TENM3: variants seen among roughly 807,000 people sequenced by gnomAD.
TENM3 encodes the protein teneurin transmembrane protein 3.
Under a neutral mutation model 255.1 loss-of-function variants are expected in TENM3, and 63 were observed. The observed-to-expected ratio is 0.25, with a 90% CI of 0.20 to 0.30. The LOEUF (loss-of-function observed/expected upper bound fraction) is 0.30. TENM3 is among the 10% of genes least tolerant of loss of function. The pLI, the probability that TENM3 is intolerant of heterozygous loss-of-function variation, is 1.00. For missense variants in TENM3, 2,929 were observed against 3,461.1 expected, an observed-to-expected ratio of 0.85 and a Z score of 3.86; for synonymous variants, 1,306 against 1,322.3, an observed-to-expected ratio of 0.99 and a Z score of 0.27.
chr4:182,652,296 T>C (rs1352889099), intron 5 of TENM3, among the ~76,000 whole-genome samples: 1 of 152,140 alleles, frequency 6.6e-6, no homozygotes, highest in Non-Finnish European at 1.5e-5. Flanking sequence ...GCACAGGTAT[T>C]TTCCTGTCAG....
chr4:182,364,220 T>A (rs963308351), intron 3 of TENM3, among the ~76,000 whole-genome samples: 1 of 152,002 alleles, frequency 6.6e-6, no homozygotes, highest in African/African-American at 2.4e-5. Context: ...AATAAATCAT[T>A]TGAGTGTTTA....
chr4:182,044,091 A>G, the TENM3 span, among the ~76,000 whole-genome samples: 1 of 152,214 alleles, frequency 6.6e-6, no homozygotes, highest in Non-Finnish European at 1.5e-5. Flanking sequence ...TGATGGTTGC[A>G]GCTATGGAGG....
At position 182,799,459 on chromosome 4, in the gene TENM3, G is replaced by C; in HGVS notation, c.7345-137G>C. On this transcript the variant is annotated intron_variant, in intron 27 of 27. Coordinates refer to ENST00000511685, the MANE Select transcript of TENM3 (RefSeq NM_001080477.4). The surrounding 1 kb of genome is among the most constrained non-coding windows in gnomAD (Gnocchi z 4.2). The stretch of plus-strand genomic sequence containing the variant: ...CTCGAGTGCTCCCTCCACCCGGGCT[G>C]TCAGCCTTCTGGTCAGGGAAGGACC... The C allele has an allele frequency of 8.7e-7, 1 of 1,148,866 alleles. No homozygotes were observed. The allele number at this position is 1,148,866 out of a possible 1,614,324, so 71.2% of individuals were successfully genotyped here.
chr4:181,560,223 CAGA>C, the TENM3 span, among the ~76,000 whole-genome samples: 1 of 152,006 alleles, frequency 6.6e-6, no homozygotes, highest in Non-Finnish European at 1.5e-5. Context: ...CTTCACATGG[CAGA>C]AGGAGTGAGG....
At chr4:181,966,136 T>C in the TENM3 span, among the ~76,000 whole-genome samples, 1 of 152,128 alleles carries the variant, frequency 6.6e-6, no homozygotes, top group Non-Finnish European at 1.5e-5. Flanking sequence ...CTGTGGTTAT[T>C]TTTGACACCC....
chr4:181,772,784 TG>T, the TENM3 span, among the ~76,000 whole-genome samples: 133 of 152,318 alleles, frequency 8.7e-4, no homozygotes, highest in Non-Finnish European at 1.2e-3. Context: ...TTTTTCAAGA[TG>T]GGCATATTTT....
chr4:181,750,831 A>T, the TENM3 span, among the ~76,000 whole-genome samples: 2 of 152,174 alleles, frequency 1.3e-5, no homozygotes, highest in African/African-American at 4.8e-5. Context: ...GATATAAAAG[A>T]ATGCTGTTGG....
At chr4:182,165,643 T>G (rs1231007793) in intron 1 of TENM3, among the ~76,000 whole-genome samples, 1 of 152,214 alleles carries the variant, frequency 6.6e-6, no homozygotes, top group Non-Finnish European at 1.5e-5. Flanking sequence ...TTAGAAAATA[T>G]GTATACAGCT....
At chr4:182,606,523 CAAAAAAA>C (rs746315807) in intron 4 of TENM3, among the ~76,000 whole-genome samples, 3 of 51,740 alleles carry the variant, frequency 5.8e-5, no homozygotes, top group African/African-American at 2.4e-4. Context: ...GACTCTGTCT[CAAAAAAA>C]AAAAAAAAAA....
chr4:182,357,537 G>A (rs200564722), intron 3 of TENM3, among the ~76,000 whole-genome samples: 1 of 148,768 alleles, frequency 6.7e-6, no homozygotes, highest in Admixed American at 6.7e-5. Context: ...GTCTGTTCAT[G>A]TCCTTCGCCC....
chr4:182,093,806 G>A, the TENM3 span, among the ~76,000 whole-genome samples: 2 of 152,012 alleles, frequency 1.3e-5, no homozygotes, highest in Non-Finnish European at 2.9e-5. Flanking sequence ...TCATCCATCC[G>A]GCACTGTAGA....
chr4:181,954,115 A>G, the TENM3 span, among the ~76,000 whole-genome samples: 2 of 152,256 alleles, frequency 1.3e-5, no homozygotes, highest in African/African-American at 2.4e-5. Context: ...ATTCCTTTTT[A>G]TTGCTAAGTA....
chr4:182,477,793 T>C (rs1429984214), intron 3 of TENM3, among the ~76,000 whole-genome samples: 1 of 152,184 alleles, frequency 6.6e-6, no homozygotes, highest in Non-Finnish European at 1.5e-5. Context: ...AATACTTATT[T>C]TTAATAATCA....
At chr4:181,969,553 C>T in the TENM3 span, among the ~76,000 whole-genome samples, 3 of 152,162 alleles carry the variant, frequency 2.0e-5, no homozygotes, top group East Asian at 1.9e-4. Context: ...TGAGCATTAA[C>T]GGGAATACCT....
At chr4:182,759,856 C>T (rs1019012254) in intron 22 of TENM3, among the ~76,000 whole-genome samples, 1 of 152,104 alleles carries the variant, frequency 6.6e-6, no homozygotes, top group Non-Finnish European at 1.5e-5. Context: ...TGCTTCTTGG[C>T]GGCAGTTTCT....
At chr4:181,475,542 A>G in the TENM3 span, among the ~76,000 whole-genome samples, 3 of 152,194 alleles carry the variant, frequency 2.0e-5, no homozygotes, top group East Asian at 5.8e-4. Context: ...ATCACTCTGC[A>G]TCATAGATGC....
chr4:182,101,190 G>A, the TENM3 span, among the ~76,000 whole-genome samples: 3 of 99,058 alleles, frequency 3.0e-5, no homozygotes, highest in East Asian at 3.7e-4. Flanking sequence ...AAAGAAGGGA[G>A]GGAGGAAGGA....
chr4:182,764,415 G>T (rs1314721351), intron 22 of TENM3, among the ~76,000 whole-genome samples: 6 of 152,192 alleles, frequency 3.9e-5, no homozygotes, highest in Non-Finnish European at 5.9e-5. Flanking sequence ...AGTAAACAGT[G>T]ATAAGAATGG....
chr4:181,770,544 G>A, the TENM3 span, among the ~76,000 whole-genome samples: 19 of 152,006 alleles, frequency 1.2e-4, no homozygotes, highest in African/African-American at 3.9e-4. Context: ...GCGTGGTGGC[G>A]GGTGCCTGTA....
Sources: gnomAD v4.1 joint callset for allele counts (sites outside exome capture counted in the v4.1 genomes callset) on GRCh38, gnomAD v4.1.1 for gene constraint, Gnocchi (gnomAD v3.1) non-coding constraint, MANE v1.5 for transcripts, NCBI Gene and HGNC (gene_info 2026-07-23, HGNC 2026-07-21) for gene names.